Variants in CALN1 observed in about 807,000 individuals in gnomAD.
CALN1 encodes calneuron 1, also known as calcium-binding protein 8.
A neutral mutation model predicts 30.6 loss-of-function variants in CALN1; 17 were observed. The ratio of observed to expected loss-of-function variants is 0.56; its 90% CI spans 0.38 to 0.83. The LOEUF (loss-of-function observed/expected upper bound fraction) is 0.83. Among genes scored for constraint, CALN1 ranks in the 40% least tolerant of loss-of-function variants. CALN1 has a pLI of 0.00. For synonymous variants in CALN1, 156 were observed against 131.4 expected, an observed-to-expected ratio of 1.19 and a Z score of -1.28; for missense variants, 291 against 354.9, an observed-to-expected ratio of 0.82 and a Z score of 1.45.
intron 4 of CALN1, among the ~76,000 whole-genome samples, chr7:72,033,283 T>TA (rs909812498): frequency 1.4e-4 from 22 of 152,146 alleles, no homozygotes; most frequent in Admixed American, 1.4e-3. Flanking sequence ...AAATAATCCT[T>TA]AAAAAAATCA....
At chr7:72,005,636 G>A (rs140287550) in intron 5 of CALN1, among the ~76,000 whole-genome samples, 3 of 152,242 alleles carry the variant, frequency 2.0e-5, no homozygotes, top group Non-Finnish European at 4.4e-5. Flanking sequence ...CTGGCCCAGA[G>A]CAAATTATTG....
intron 5 of CALN1, among the ~76,000 whole-genome samples, chr7:71,997,490 A>G (rs1422144353): frequency 6.6e-6 from 1 of 152,212 alleles, no homozygotes; most frequent in Non-Finnish European, 1.5e-5. Flanking sequence ...GAGACACAAA[A>G]TGGTGCTAAA....
chr7:71,928,290 G>C (rs760062123), intron 5 of CALN1, among the ~76,000 whole-genome samples: 38 of 152,134 alleles, frequency 2.5e-4, no homozygotes, highest in Non-Finnish European at 4.3e-4. Context: ...CTCTCCCACT[G>C]TATGGCACCT....
At chr7:72,345,537 G>A (rs1362585906) in intron 2 of CALN1, among the ~76,000 whole-genome samples, 2 of 131,584 alleles carry the variant, frequency 1.5e-5, no homozygotes, top group Non-Finnish European at 3.2e-5. Context: ...GGAAGGGAGG[G>A]AAGGAGGAAG....
chr7:72,396,055 G>C (rs1286091430), intron 2 of CALN1, among the ~76,000 whole-genome samples: 2 of 151,874 alleles, frequency 1.3e-5, no homozygotes, highest in Admixed American at 6.6e-5. Flanking sequence ...TCCAGAATCT[G>C]ATCAGCAAAC....
At chr7:72,169,675 T>C (rs1375471173) in intron 3 of CALN1, among the ~76,000 whole-genome samples, 1 of 151,894 alleles carries the variant, frequency 6.6e-6, no homozygotes, top group Non-Finnish European at 1.5e-5. Context: ...TTTTTTGTTA[T>C]TTTCTTTTTC....
At chr7:72,207,898 T>TA (rs1325155441) in intron 3 of CALN1, among the ~76,000 whole-genome samples, 4 of 152,200 alleles carry the variant, frequency 2.6e-5, no homozygotes, top group African/African-American at 9.6e-5. Flanking sequence ...TATACAAATT[T>TA]ATCTATGGTA....
chr7:72,054,640 C>A (rs1803131535), intron 4 of CALN1, among the ~76,000 whole-genome samples: 1 of 150,792 alleles, frequency 6.6e-6, no homozygotes, highest in South Asian at 2.1e-4. Context: ...AGCTGTTATC[C>A]TTAGCAAACT....
chr7:71,805,785 C>G (rs1354924080), intron 6 of CALN1, among the ~76,000 whole-genome samples: 4 of 152,042 alleles, frequency 2.6e-5, no homozygotes, highest in African/African-American at 9.7e-5. Context: ...ATATACCTAG[C>G]AATGTGATTT....
At chr7:72,224,817 G>C (rs764346095) in intron 3 of CALN1, among the ~76,000 whole-genome samples, 1 of 151,968 alleles carries the variant, frequency 6.6e-6, no homozygotes, top group African/African-American at 2.4e-5. Context: ...GGCCGGGCAC[G>C]GTGGCTCACG....
At chr7:71,945,440 C>G (rs954477162) in intron 5 of CALN1, among the ~76,000 whole-genome samples, 1 of 152,184 alleles carries the variant, frequency 6.6e-6, no homozygotes, top group Non-Finnish European at 1.5e-5. Flanking sequence ...TGCCAGTGCT[C>G]GAGAGCAGGG....
intron 2 of CALN1, among the ~76,000 whole-genome samples, chr7:72,285,181 C>T (rs1414875545): frequency 6.6e-6 from 1 of 152,130 alleles, no homozygotes; most frequent in East Asian, 1.9e-4. Context: ...GACCAGTGGA[C>T]TTGATTTTTG....
chr7:72,130,889 A>G (rs938086371), intron 3 of CALN1, among the ~76,000 whole-genome samples: 3 of 63,452 alleles, frequency 4.7e-5, no homozygotes, highest in African/African-American at 2.0e-4. Context: ...ATTTGAATAA[A>G]CAGGTTATTT....
At chr7:72,290,870 T>G (rs1798431058) in intron 2 of CALN1, among the ~76,000 whole-genome samples, 2 of 152,268 alleles carry the variant, frequency 1.3e-5, no homozygotes, top group South Asian at 4.1e-4. Flanking sequence ...CCTCTTATTT[T>G]TCACTGAGTA....
intron 4 of CALN1, among the ~76,000 whole-genome samples, chr7:72,027,717 A>C (rs575383511): frequency 5.1e-5 from 5 of 98,898 alleles, no homozygotes; most frequent in South Asian, 3.2e-4. Context: ...GTCTCAAAAC[A>C]AACAAACAAA....
chr7:71,866,267 G>C (rs186563740), intron 5 of CALN1, among the ~76,000 whole-genome samples: 5 of 152,052 alleles, frequency 3.3e-5, no homozygotes, highest in African/African-American at 1.2e-4. Context: ...TCAGCCTCCC[G>C]AAGTGCTGGG....
chr7:72,422,551 T>A (rs996732743), intron 1 of CALN1, among the ~76,000 whole-genome samples: 1 of 152,224 alleles, frequency 6.6e-6, no homozygotes. Flanking sequence ...TAGGATACTC[T>A]AAGAACCAGT....
In CALN1 at chr7:72,341,012, G is replaced by A. The variant is rs112494946; in HGVS notation, c.120-62202C>T. ...TTGTAAATTACCCAGTCTCAGCTAT[G>A]TCTTTATCAGCAATGTGAAAACGAA... On this transcript the variant is annotated intron_variant, in intron 2 of 6. Transcript: ENST00000395275. Among the ~76,000 whole-genome samples the A allele has an allele frequency of 5.9e-5, 9 of 152,274 alleles. 1 individual carries two copies. Among genetic ancestry groups the A allele is most frequent in the African/African-American group, 2.2e-4 (9 of 41,548 alleles).
intron 3 of CALN1, among the ~76,000 whole-genome samples, chr7:72,109,262 A>C (rs943593177): frequency 3.3e-5 from 5 of 152,152 alleles, no homozygotes; most frequent in African/African-American, 1.2e-4. Flanking sequence ...CCAGGACCCT[A>C]GGCTCCCAGC....
Sources: allele counts gnomAD v4.1 joint callset (sites outside exome capture counted in the v4.1 genomes callset), GRCh38; gene constraint gnomAD v4.1.1; transcripts MANE v1.5; gene names NCBI Gene and HGNC (gene_info 2026-07-23, HGNC 2026-07-21).